Variants in ASIC2 observed in about 807,000 individuals in gnomAD.
ASIC2 encodes acid-sensing ion channel 2.
A neutral mutation model predicts 57.3 loss-of-function variants in ASIC2; 25 were observed. That is an observed-to-expected ratio of 0.44 (90% confidence interval 0.32 to 0.61). The LOEUF (loss-of-function observed/expected upper bound fraction) is 0.61, where lower values mean the gene tolerates loss of function less well. Among genes scored for constraint, ASIC2 ranks in the 20% least tolerant of loss-of-function variants. The pLI is 0.06. For synonymous variants in ASIC2, 319 were observed against 307.5 expected, an observed-to-expected ratio of 1.04 and a Z score of -0.39; for missense variants, 641 against 738.1, an observed-to-expected ratio of 0.87 and a Z score of 1.52.
In ASIC2 at chr17:34,049,790, C is replaced by T. The variant is rs74644118; in HGVS notation, c.555+106188G>A. On this transcript the variant is annotated intron_variant, in intron 1 of 9. Coordinates refer to the ASIC2 transcript ENST00000359872. ...TCAAAACCCTTCAGAGAATCTTCCT[C>T]CGACAGGAATCCCAAGCTGATAATC... is the stretch of plus-strand genomic sequence containing the variant. Among the ~76,000 whole-genome samples, 803 of 152,290 alleles carry T rather than the reference C, an allele frequency of 5.3e-3. 5 individuals carry two copies. Among genetic ancestry groups the T allele is most frequent in the Non-Finnish European group, 8.2e-3 (560 of 68,008 alleles).
intron 1 of ASIC2, among the ~76,000 whole-genome samples, chr17:33,741,609 C>G (rs1172043462): frequency 1.3e-5 from 2 of 152,162 alleles, no homozygotes; most frequent in East Asian, 1.9e-4. Flanking sequence ...GGGCAGGCAC[C>G]AAGCATTATC....
At chr17:33,317,258 G>GGCA (rs1330395299) in intron 1 of ASIC2, among the ~76,000 whole-genome samples, 1 of 152,168 alleles carries the variant, frequency 6.6e-6, no homozygotes, top group Non-Finnish European at 1.5e-5. Context: ...CAGAGTACCA[G>GGCA]GCATGCTGTG....
Position 33,291,785 on chromosome 17 carries a change from A to G in ASIC2, c.331T>C (p.Trp111Arg). 6.2e-7 allele frequency: 1 copy of G among 1,613,788 alleles called. No homozygotes were observed. The highest frequency in any genetic ancestry group is 1.3e-5 in the African/African-American group (1 of 75,054). Residue 111 changes from tryptophan to arginine, a missense_variant, in exon 1 of 10, where the codon TGG (tryptophan) becomes CGG (arginine). Physicochemically the swap from Trp to Arg is moderately radical, Grantham distance 101. Transcript: ENST00000225823. ...LSWSSNRLLY[W>R]LSFPSHTRVH... Reference sequence around the variant, plus strand: ...CGCGTGTGTGACGGGAAGCTGAGCCAGTAGAGCAAGCGGTTCGAGGACCAG... The same window carrying G: ...CGCGTGTGTGACGGGAAGCTGAGCCGGTAGAGCAAGCGGTTCGAGGACCAG...
At chr17:34,077,619 C>A (rs1909719515) in intron 1 of ASIC2, among the ~76,000 whole-genome samples, 1 of 151,920 alleles carries the variant, frequency 6.6e-6, no homozygotes, top group African/African-American at 2.4e-5. Context: ...GGATTTTTTT[C>A]CTCCCTCCCT....
At chr17:33,213,238 G>T (rs1907346247) in intron 1 of ASIC2, among the ~76,000 whole-genome samples, 1 of 152,216 alleles carries the variant, frequency 6.6e-6, no homozygotes, top group Non-Finnish European at 1.5e-5. Context: ...GGGCCAGGAG[G>T]TGGGCATAGA....
chr17:33,323,975 A>G (rs1171475626), intron 1 of ASIC2, among the ~76,000 whole-genome samples: 1 of 152,236 alleles, frequency 6.6e-6, no homozygotes, highest in Admixed American at 6.5e-5. Context: ...TTCAGTGAGC[A>G]GTGTACTCTC....
At chr17:33,686,984 G>A (rs1051306625) in intron 1 of ASIC2, among the ~76,000 whole-genome samples, 1 of 152,172 alleles carries the variant, frequency 6.6e-6, no homozygotes, top group South Asian at 2.1e-4. Context: ...GAATGACCAA[G>A]GGAACCTATG....
intron 1 of ASIC2, among the ~76,000 whole-genome samples, chr17:33,768,601 G>T (rs1189437317): frequency 6.6e-6 from 1 of 152,120 alleles, no homozygotes; most frequent in Non-Finnish European, 1.5e-5. Context: ...AGGCAGACAG[G>T]GGCAGGTCCC....
At chr17:34,151,896 G>C (rs1904542836) in intron 1 of ASIC2, among the ~76,000 whole-genome samples, 1 of 152,090 alleles carries the variant, frequency 6.6e-6, no homozygotes, top group East Asian at 1.9e-4. Context: ...ATTTAGAGAT[G>C]AGACAATCAA....
At chr17:33,771,258 A>G (rs1468995087) in intron 1 of ASIC2, among the ~76,000 whole-genome samples, 3 of 152,174 alleles carry the variant, frequency 2.0e-5, no homozygotes, top group Non-Finnish European at 4.4e-5. Context: ...AGTTATGGAG[A>G]CTGAGGACCA....
intron 1 of ASIC2, among the ~76,000 whole-genome samples, chr17:33,569,758 A>G (rs576129105): frequency 3.9e-5 from 6 of 152,280 alleles, no homozygotes; most frequent in African/African-American, 1.4e-4. Context: ...CCATCCATAC[A>G]TGTATCCATA....
At chr17:33,675,656 C>T (rs1370399210) in intron 1 of ASIC2, among the ~76,000 whole-genome samples, 1 of 152,220 alleles carries the variant, frequency 6.6e-6, no homozygotes, top group Non-Finnish European at 1.5e-5. Flanking sequence ...ACTGCAACCT[C>T]TGCCTCCCAG....
At chr17:33,064,653 A>T in intron 3 of ASIC2, among the ~76,000 whole-genome samples, 1 of 152,096 alleles carries the variant, frequency 6.6e-6, no homozygotes, top group Non-Finnish European at 1.5e-5. Context: ...GACCCACTTG[A>T]GGAGGCAGTC....
chr17:33,087,452 T>A (rs2092138735), intron 3 of ASIC2, among the ~76,000 whole-genome samples: 1 of 152,172 alleles, frequency 6.6e-6, no homozygotes, highest in Non-Finnish European at 1.5e-5. Flanking sequence ...CAGTGAAGGT[T>A]GACCTTGGAC....
intron 1 of ASIC2, among the ~76,000 whole-genome samples, chr17:33,550,890 G>T (rs940856320): frequency 6.6e-6 from 1 of 152,114 alleles, no homozygotes; most frequent in African/African-American, 2.4e-5. Flanking sequence ...ATTTTAGGTA[G>T]GAAACAGCTT....
chr17:33,682,571 C>CT (rs1327252710), intron 1 of ASIC2, among the ~76,000 whole-genome samples: 2 of 149,354 alleles, frequency 1.3e-5, no homozygotes, highest in Non-Finnish European at 3.0e-5. Context: ...CTCTTGCATT[C>CT]ACTCCTGGCT....
chr17:33,417,231 T>C (rs537225317), intron 1 of ASIC2, among the ~76,000 whole-genome samples: 1 of 152,184 alleles, frequency 6.6e-6, no homozygotes, highest in Admixed American at 6.5e-5. Flanking sequence ...AATCTTTAAT[T>C]CCCAGGGGTT....
chr17:33,226,137 G>T (rs780392767), intron 1 of ASIC2, among the ~76,000 whole-genome samples: 5 of 152,060 alleles, frequency 3.3e-5, no homozygotes, highest in African/African-American at 9.7e-5. Context: ...CTTTGTTATT[G>T]GTTTCCAGCC....
intron 1 of ASIC2, among the ~76,000 whole-genome samples, chr17:33,497,266 A>G (rs1453605056): frequency 6.6e-6 from 1 of 152,224 alleles, no homozygotes; most frequent in Admixed American, 6.5e-5. Context: ...GTTCTAGGTC[A>G]CGAATCCAAG....
Sources: allele counts gnomAD v4.1 joint callset (sites outside exome capture counted in the v4.1 genomes callset), GRCh38; gene constraint gnomAD v4.1.1; transcripts MANE v1.5; gene names NCBI Gene and HGNC (gene_info 2026-07-23, HGNC 2026-07-21).